The following ATXN2 variants were observed in gnomAD, a reference collection of about 807,000 sequenced individuals.
The protein encoded by ATXN2 is ataxin-2.
A neutral mutation model predicts 138.6 loss-of-function variants in ATXN2; 37 were observed. The observed-to-expected ratio is 0.27, with a 90% CI of 0.21 to 0.35. The LOEUF is 0.35. ATXN2 is among the 10% of genes least tolerant of loss of function. ATXN2 has a pLI of 1.00. For synonymous variants in ATXN2, 549 were observed against 543.7 expected (o/e 1.01, Z -0.13); for missense variants, 1,216 against 1,480.3 (o/e 0.82, Z 2.93).
chr12:111,463,556 C>T (rs1383457892), intron 21 of ATXN2, among the ~76,000 whole-genome samples: 1 of 152,024 alleles, frequency 6.6e-6, no homozygotes. Context: ...GGATTACAGG[C>T]GTGAGCCACC....
At chr12:111,495,203 G>T (rs1184202248) in intron 14 of ATXN2, among the ~76,000 whole-genome samples, 1 of 151,782 alleles carries the variant, frequency 6.6e-6, no homozygotes, top group Non-Finnish European at 1.5e-5. Flanking sequence ...AGCTACTTGG[G>T]AGGCTGAGGC....
At chr12:111,588,958 G>A (rs576973742) in intron 1 of ATXN2, among the ~76,000 whole-genome samples, 4 of 113,620 alleles carry the variant, frequency 3.5e-5, no homozygotes, top group East Asian at 3.0e-4. Flanking sequence ...TTGTGTCACC[G>A]CACTCTAGCC....
chr12:111,547,650 A>G (rs1287576430), intron 5 of ATXN2, among the ~76,000 whole-genome samples: 1 of 151,886 alleles, frequency 6.6e-6, no homozygotes, highest in African/African-American at 2.4e-5. Context: ...GCTTGAACCC[A>G]GAAGGCGGAG....
At chr12:111,492,601 G>A (rs1208423322) in intron 14 of ATXN2, among the ~76,000 whole-genome samples, 1 of 151,982 alleles carries the variant, frequency 6.6e-6, no homozygotes, top group Non-Finnish European at 1.5e-5. Flanking sequence ...AGAATTGCTT[G>A]AATCCGGGAG....
intron 18 of ATXN2, among the ~76,000 whole-genome samples, chr12:111,473,986 TG>T (rs145004641): frequency 0.037 from 5,655 of 152,302 alleles, 356 homozygotes; most frequent in African/African-American, 0.13. Context: ...GGCTCATGCC[TG>T]TAATCCTGGC....
At chr12:111,589,270 A>G (rs1884524365) in intron 1 of ATXN2, among the ~76,000 whole-genome samples, 1 of 151,580 alleles carries the variant, frequency 6.6e-6, no homozygotes, top group Non-Finnish European at 1.5e-5. Flanking sequence ...AGCCGAGATC[A>G]CATCACTGCA....
At chr12:111,479,039 A>G (rs1245031572) in intron 18 of ATXN2, 7 of 367,362 alleles carry the variant, frequency 1.9e-5, no homozygotes, top group African/African-American at 1.0e-4. Flanking sequence ...AAATAAAATA[A>G]ATTTTTTAAA....
At chr12:111,556,177 A>C (rs1365978277) in intron 1 of ATXN2, among the ~76,000 whole-genome samples, 2 of 152,188 alleles carry the variant, frequency 1.3e-5, no homozygotes, top group African/African-American at 4.8e-5. Flanking sequence ...TAAATAAAGT[A>C]AAATAGCCTA....
chr12:111,595,742 A>C (rs892404265), intron 1 of ATXN2, among the ~76,000 whole-genome samples: 2 of 152,100 alleles, frequency 1.3e-5, no homozygotes, highest in African/African-American at 4.8e-5. Context: ...AAAAATGAAA[A>C]GGTAAAAAGC....
intron 5 of ATXN2, among the ~76,000 whole-genome samples, chr12:111,537,497 C>T (rs748137838): frequency 2.0e-5 from 3 of 151,376 alleles, no homozygotes; most frequent in African/African-American, 4.9e-5. Context: ...GCAGGAGAAT[C>T]GCTTCAACCT....
Position 111,561,272 on chromosome 12 carries a change from TCAC to T in ATXN2, c.252-5356_252-5354del, listed in dbSNP as rs1200428208. ...ACTTTGGGAGGCCAAGGCAGGTGGA[TCAC>T]CTGAGGTCAGAGGTTCAAGACCAGC... On this transcript the variant is annotated intron_variant, in intron 1 of 24. Transcript: ENST00000673436. 3.3e-5 allele frequency among the ~76,000 whole-genome samples: 5 copies of T among 151,438 alleles called. No individual in the cohort carries two copies. In the East Asian group the frequency reaches 9.7e-4, roughly 29 times the overall value.
At chr12:111,472,740 T>C (rs577208030) in intron 18 of ATXN2, among the ~76,000 whole-genome samples, 7 of 152,114 alleles carry the variant, frequency 4.6e-5, no homozygotes, top group African/African-American at 1.7e-4. Flanking sequence ...TAATACTTTT[T>C]TTAAAATATT....
chr12:111,535,717 T>C (rs1881121868), intron 5 of ATXN2, among the ~76,000 whole-genome samples: 1 of 149,222 alleles, frequency 6.7e-6, no homozygotes, highest in Admixed American at 6.7e-5. Context: ...CATTGGGAAA[T>C]AGGCCGGGCG....
At chr12:111,501,954 C>T (rs1878800461) in intron 14 of ATXN2, among the ~76,000 whole-genome samples, 1 of 151,708 alleles carries the variant, frequency 6.6e-6, no homozygotes, top group Non-Finnish European at 1.5e-5. Context: ...CGCAGTGGTG[C>T]AAGCTCACCT....
At chr12:111,488,356 C>A (rs981682070) in intron 15 of ATXN2, 120 bp downstream of exon 15, 1 of 1,002,974 alleles carries the variant, frequency 1.0e-6, no homozygotes, top group Non-Finnish European at 1.4e-6. Flanking sequence ...AAACTAAGGG[C>A]AATGTATAAA....
chr12:111,557,630 A>C (rs1473166506), intron 1 of ATXN2, among the ~76,000 whole-genome samples: 1 of 152,242 alleles, frequency 6.6e-6, no homozygotes, highest in African/African-American at 2.4e-5. Flanking sequence ...CATCCAGTTC[A>C]TGAGCAGTAG....
At position 111,598,942 on chromosome 12, in the gene ATXN2, G is replaced by A. The variant is rs951597000; in HGVS notation, c.93C>T (p.Pro31=). 2.1e-5 allele frequency: 31 copies of A among 1,461,990 alleles called. No homozygotes were observed. The African/African-American group carries it at 4.7e-4, about 22-fold the overall frequency. 90.6% of individuals were successfully genotyped at this position (1,461,990 alleles called of 1,614,324 possible). ...QQQQQQQQPP[P]AAANVRKPGG... is the part of the protein sequence containing the mutation. ...CGGGCTTGCGGACATTGGCAGCCGCGGGCGGCGGCTGCTGCTGCTGCTGCT... is the reference window on the plus strand; with the variant it reads ...CGGGCTTGCGGACATTGGCAGCCGCAGGCGGCGGCTGCTGCTGCTGCTGCT... Residue 31 remains proline, a synonymous_variant, in exon 1 of 25, where the codon CCC becomes CCT. Coordinates refer to ENST00000673436, the MANE Select transcript of ATXN2 (RefSeq NM_001372574.1). The surrounding 1 kb of genome is among the most constrained non-coding windows in gnomAD (Gnocchi z 4.5).
chr12:111,488,864 T>C (rs888998810), intron 14 of ATXN2, 84 bp from the exon 15 acceptor site: 1 of 1,118,584 alleles, frequency 8.9e-7, no homozygotes, highest in African/African-American at 1.6e-5. Context: ...TACGTAATAT[T>C]AACTATACGC....
Position 111,516,431 on chromosome 12 carries a change from A to T in ATXN2, c.1166-68T>A. 1 of 1,372,564 alleles carries T rather than the reference A, an allele frequency of 7.3e-7. No individual in the cohort carries two copies. The highest frequency in any genetic ancestry group is 2.5e-5 in the Admixed American group (1 of 40,028). 85.0% of individuals were successfully genotyped at this position (1,372,564 alleles called of 1,614,324 possible). A position where few individuals can be genotyped will look rare whatever the true frequency, so the allele number is the denominator to read the frequency against. ...AAAAAAATGAGGGAAAAAAGTAAACAGAAAAAAAGTAAAATGACAAAAATG... is the reference window on the plus strand; with the variant it reads ...AAAAAAATGAGGGAAAAAAGTAAACTGAAAAAAAGTAAAATGACAAAAATG... On this transcript the variant is annotated intron_variant, in intron 9 of 24. Coordinates refer to ENST00000673436, the MANE Select transcript of ATXN2 (RefSeq NM_001372574.1). This position sits in a 1 kb window ranked among gnomAD's most constrained non-coding sequence, Gnocchi z 5.0.
Sources: allele counts gnomAD v4.1 joint callset (sites outside exome capture counted in the v4.1 genomes callset), GRCh38; gene constraint gnomAD v4.1.1; non-coding constraint Gnocchi (gnomAD v3.1); transcripts MANE v1.5; gene names NCBI Gene and HGNC (gene_info 2026-07-23, HGNC 2026-07-21).